Variants in CSMD1 observed in about 807,000 individuals in gnomAD.
CSMD1 encodes CUB and Sushi multiple domains 1.
CSMD1 carries 213 observed loss-of-function variants against 417.5 expected under a neutral mutation model. That is an observed-to-expected ratio of 0.51 (90% confidence interval 0.46 to 0.57). The LOEUF (loss-of-function observed/expected upper bound fraction) is 0.57, where lower values mean the gene tolerates loss of function less well. CSMD1 is among the 20% of genes least tolerant of loss of function. The pLI, the probability that CSMD1 is intolerant of heterozygous loss-of-function variation, is 0.00. For missense variants in CSMD1, 6,923 were observed against 4,529.7 expected (o/e 1.53, Z -15.17); for synonymous variants, 2,862 against 1,736.8 (o/e 1.65, Z -16.11).
At chr8:4,021,551 G>C (rs564060306) in intron 4 of CSMD1, among the ~76,000 whole-genome samples, 50 of 152,228 alleles carry the variant, frequency 3.3e-4, no homozygotes, top group African/African-American at 1.1e-3. Context: ...AGCTCCTTCT[G>C]AGCAGGTGCA....
At chr8:4,379,533 T>C (rs897246128) in intron 3 of CSMD1, among the ~76,000 whole-genome samples, 3 of 152,228 alleles carry the variant, frequency 2.0e-5, no homozygotes, top group Non-Finnish European at 4.4e-5. Flanking sequence ...GAAGTATATA[T>C]AGGATGTCTG....
At chr8:4,785,502 T>G (rs1797357845) in intron 1 of CSMD1, among the ~76,000 whole-genome samples, 1 of 152,162 alleles carries the variant, frequency 6.6e-6, no homozygotes, top group Non-Finnish European at 1.5e-5. Context: ...CTTAGAAAGC[T>G]GATTACCCTA....
chr8:3,851,498 G>C (rs747676994), intron 5 of CSMD1, among the ~76,000 whole-genome samples: 1 of 152,150 alleles, frequency 6.6e-6, no homozygotes, highest in South Asian at 2.1e-4. Context: ...CTAGTGTCTT[G>C]AGACTTTTTG....
At chr8:3,667,236 CATTAT>C (rs1270334117) in intron 7 of CSMD1, among the ~76,000 whole-genome samples, 2 of 151,986 alleles carry the variant, frequency 1.3e-5, no homozygotes, top group South Asian at 2.1e-4. Context: ...ATAGTCCCTA[CATTAT>C]ATTAATATAT....
At chr8:3,831,588 A>C (rs954403674) in intron 5 of CSMD1, among the ~76,000 whole-genome samples, 3 of 152,152 alleles carry the variant, frequency 2.0e-5, no homozygotes, top group African/African-American at 7.2e-5. Context: ...GAATATCCCA[A>C]ATGTCCTCTC....
chr8:4,422,338 C>A (rs1342388503), intron 2 of CSMD1, among the ~76,000 whole-genome samples: 1 of 152,086 alleles, frequency 6.6e-6, no homozygotes, highest in East Asian at 1.9e-4. Context: ...CTCCTCCCAC[C>A]AATTCATATA....
intron 3 of CSMD1, among the ~76,000 whole-genome samples, chr8:4,118,906 C>A (rs140954941): frequency 0.076 from 11,502 of 152,222 alleles, 496 homozygotes; most frequent in African/African-American, 0.1. Flanking sequence ...GAATACTATG[C>A]AGCCATTAAA....
intron 5 of CSMD1, among the ~76,000 whole-genome samples, chr8:3,851,725 A>T (rs992464902): frequency 1.3e-5 from 2 of 152,170 alleles, no homozygotes; most frequent in Non-Finnish European, 2.9e-5. Context: ...TAATTAAAGG[A>T]AAGAGAGAGA....
At chr8:3,890,133 T>C (rs1050919265) in intron 5 of CSMD1, among the ~76,000 whole-genome samples, 22 of 152,182 alleles carry the variant, frequency 1.4e-4, no homozygotes, top group African/African-American at 5.3e-4. Flanking sequence ...TAGTTTATTA[T>C]TGGGTGTATG....
intron 3 of CSMD1, among the ~76,000 whole-genome samples, chr8:4,417,441 C>CT (rs2128938129): frequency 6.6e-6 from 1 of 152,088 alleles, no homozygotes; most frequent in Non-Finnish European, 1.5e-5. Context: ...GATTCTTCTC[C>CT]TTTCAAGCCA....
intron 26 of CSMD1, among the ~76,000 whole-genome samples, chr8:3,242,854 A>G (rs1018660354): frequency 2.6e-5 from 4 of 151,792 alleles, no homozygotes; most frequent in Admixed American, 6.6e-5. Flanking sequence ...CAGGGCGCAG[A>G]AATAAGGGAT....
At chr8:3,327,168 ACT>A (rs1457519546) in intron 23 of CSMD1, among the ~76,000 whole-genome samples, 2 of 148,858 alleles carry the variant, frequency 1.3e-5, no homozygotes, top group South Asian at 4.2e-4. Context: ...TTTGAAAGAG[ACT>A]CTCTCTGTCA....
chr8:3,724,407 G>A (rs7812884), intron 6 of CSMD1, among the ~76,000 whole-genome samples: 19,010 of 151,984 alleles, frequency 0.13, 1,652 homozygotes, highest in African/African-American at 0.25. Flanking sequence ...AAGGAGTATT[G>A]TCACTTTTAA....
intron 18 of CSMD1, among the ~76,000 whole-genome samples, chr8:3,384,791 A>T (rs1334050272): frequency 4.8e-5 from 6 of 124,182 alleles, no homozygotes; most frequent in Non-Finnish European, 6.4e-5. Flanking sequence ...AATATATATT[A>T]ATATATGCTA....
rs1431967864 is a variant in CSMD1, at chr8:4,140,523, C to G, written c.416-108424G>C. Among the ~76,000 whole-genome samples the G allele has an allele frequency of 2.7e-5, 4 of 150,650 alleles. No homozygotes were observed. In the East Asian group the frequency reaches 5.8e-4, roughly 22 times the overall value. On this transcript the variant is annotated intron_variant, in intron 3 of 69. Coordinates refer to ENST00000635120, the MANE Select transcript of CSMD1 (RefSeq NM_033225.6). ...AAACAAACAAACAAACAAAAATTAG[C>G]TGAGTGTGGTGGTGTGCACCTGTAG...
At chr8:3,003,933 T>C (rs980164470) in intron 52 of CSMD1, among the ~76,000 whole-genome samples, 1 of 152,198 alleles carries the variant, frequency 6.6e-6, no homozygotes. Flanking sequence ...AGTTATACAT[T>C]TGCTAGGAGG....
At position 4,993,053 on chromosome 8, in the gene CSMD1, T is replaced by C. The variant is rs545840142; in HGVS notation, c.85+1279A>G. On this transcript the variant is annotated intron_variant, in intron 1 of 69. Coordinates refer to ENST00000635120, the MANE Select transcript of CSMD1 (RefSeq NM_033225.6). ...CCGCTCTCCAGGCAGATCTGGAGTTTCCTAATGAACCAGATACAGTCCTCC... is the reference window on the plus strand; with the variant it reads ...CCGCTCTCCAGGCAGATCTGGAGTTCCCTAATGAACCAGATACAGTCCTCC... 4.6e-5 allele frequency among the ~76,000 whole-genome samples: 7 copies of C among 152,288 alleles called. No individual in the cohort carries two copies. In the East Asian group the frequency reaches 1.4e-3, roughly 30 times the overall value.
At chr8:3,106,322 A>G (rs1473296132) in intron 46 of CSMD1, among the ~76,000 whole-genome samples, 2 of 152,064 alleles carry the variant, frequency 1.3e-5, no homozygotes, top group African/African-American at 4.8e-5. Context: ...ACCTGAGACC[A>G]GGGAGGTTGA....
chr8:4,163,165 G>C (rs1297827499), intron 3 of CSMD1, among the ~76,000 whole-genome samples: 2 of 152,102 alleles, frequency 1.3e-5, no homozygotes, highest in Non-Finnish European at 2.9e-5. Context: ...TCCAGATTTT[G>C]GCAACCAAGA....
Sources: allele counts gnomAD v4.1 joint callset (sites outside exome capture counted in the v4.1 genomes callset), GRCh38; gene constraint gnomAD v4.1.1; transcripts MANE v1.5; gene names NCBI Gene and HGNC (gene_info 2026-07-23, HGNC 2026-07-21).